Variants in SLC25A26 observed in about 807,000 individuals in gnomAD.
The protein encoded by SLC25A26 is mitochondrial S-adenosylmethionine carrier protein.
A neutral mutation model predicts 37.8 loss-of-function variants in SLC25A26; 36 were observed. That is an observed-to-expected ratio of 0.95 (90% CI 0.73 to 1.26). The LOEUF (loss-of-function observed/expected upper bound fraction) is 1.26, where lower values mean the gene tolerates loss of function less well. Among genes scored for constraint, SLC25A26 ranks in the 50% most tolerant of loss-of-function variants. The pLI is 0.00. For missense variants in SLC25A26, 390 were observed against 331.1 expected (o/e 1.18, Z -1.38); for synonymous variants, 129 against 122.5 (o/e 1.05, Z -0.35).
intron 2 of SLC25A26, among the ~76,000 whole-genome samples, chr3:66,237,804 G>C (rs149823865): frequency 0.042 from 6,373 of 152,250 alleles, 458 homozygotes; most frequent in African/African-American, 0.15. Context: ...CACAGCTCTA[G>C]AAGATTCTTA....
chr3:66,221,191 C>CG (rs2071474123), intron 1 of SLC25A26, 64 bp downstream of exon 1: 1 of 1,470,970 alleles, frequency 6.8e-7, no homozygotes, highest in Non-Finnish European at 9.0e-7. Context: ...AGCCCGCGGG[C>CG]GTTCTCTGCA....
intron 5 of SLC25A26, among the ~76,000 whole-genome samples, chr3:66,295,415 T>G (rs572187709): frequency 6.7e-6 from 1 of 150,168 alleles, no homozygotes; most frequent in Non-Finnish European, 1.5e-5. Context: ...GTTTTTTTTT[T>G]TTTTTTGAGA....
In SLC25A26 at chr3:66,377,683, C is replaced by T. The variant is rs751066008; in HGVS notation, c.708-7C>T. The stretch of plus-strand genomic sequence containing the variant: ...CACAACATTAAAAATCCTGTTTTTT[C>T]CCCTAGATTATTTGCAGGTGTCTTC... On this transcript the variant is annotated splice_polypyrimidine_tract_variant and splice_region_variant and intron_variant, in intron 9 of 9. Coordinates refer to ENST00000354883, the MANE Select transcript of SLC25A26 (RefSeq NM_001379210.1). 2.5e-4 allele frequency: 403 copies of T among 1,605,796 alleles called. No individual in the cohort carries two copies. The highest frequency in any genetic ancestry group is 3.1e-4 in the Non-Finnish European group (361 of 1,173,884).
chr3:66,163,067 C>G (rs528051371), intron 1 of SLC25A26, among the ~76,000 whole-genome samples: 44 of 152,316 alleles, frequency 2.9e-4, no homozygotes, highest in African/African-American at 1.0e-3. Context: ...TTCCAAGAAG[C>G]CCTGCAGTGC....
intron 6 of SLC25A26, among the ~76,000 whole-genome samples, chr3:66,352,931 G>T (rs332339): frequency 0.39 from 59,803 of 151,970 alleles, 13,570 homozygotes; most frequent in East Asian, 0.71. Context: ...ATTTATTTCC[G>T]TACTGGTATT....
chr3:66,292,246 T>A (rs1041147480), intron 5 of SLC25A26, among the ~76,000 whole-genome samples: 20 of 152,214 alleles, frequency 1.3e-4, no homozygotes, highest in Non-Finnish European at 2.8e-4. Flanking sequence ...GTCTTCACTC[T>A]TTATCCAGTG....
At chr3:66,293,838 G>T (rs6794857) in intron 5 of SLC25A26, among the ~76,000 whole-genome samples, 24,133 of 152,066 alleles carry the variant, frequency 0.16, 2,326 homozygotes, top group Non-Finnish European at 0.22. Flanking sequence ...GAATAGTGCT[G>T]CAGTGAACAT....
chr3:66,291,137 A>G (rs946524666), intron 5 of SLC25A26, among the ~76,000 whole-genome samples: 2 of 151,992 alleles, frequency 1.3e-5, no homozygotes, highest in African/African-American at 4.8e-5. Context: ...AGTAGTTTGT[A>G]TTTCTGTGGG....
rs924020333 is a variant in SLC25A26, at chr3:66,253,083, G to A, written c.301-8968G>A. 4.3e-5 allele frequency among the ~76,000 whole-genome samples: 6 copies of A among 139,916 alleles called. No homozygotes were observed. In the East Asian group the frequency reaches 8.4e-4, roughly 20 times the overall value. 91.8% of individuals were successfully genotyped at this position (139,916 alleles called of 152,430 possible). ...AATCTCTGAATGTGTTTCTTCACAC[G>A]GGAAAGAGATTTGGCAGATAATATT... On this transcript the variant is annotated intron_variant, in intron 3 of 9. Transcript: ENST00000354883.
chr3:66,337,993 G>A (rs1305242676), intron 5 of SLC25A26, among the ~76,000 whole-genome samples: 1 of 151,828 alleles, frequency 6.6e-6, no homozygotes, highest in African/African-American at 2.4e-5. Flanking sequence ...ATATCCTTAT[G>A]ATATTGAATA....
At chr3:66,302,624 G>C (rs1407753329) in intron 5 of SLC25A26, among the ~76,000 whole-genome samples, 6 of 152,178 alleles carry the variant, frequency 3.9e-5, no homozygotes, top group African/African-American at 1.4e-4. Context: ...TAGGTCACCA[G>C]ATTTTGATTC....
intron 1 of SLC25A26, among the ~76,000 whole-genome samples, chr3:66,229,170 G>A (rs2071893920): frequency 6.6e-6 from 1 of 152,148 alleles, no homozygotes; most frequent in African/African-American, 2.4e-5. Context: ...ATTGATAATT[G>A]ATTAAGGCCT....
intron 2 of SLC25A26, among the ~76,000 whole-genome samples, chr3:66,242,977 G>T (rs919064177): frequency 1.3e-5 from 2 of 152,078 alleles, no homozygotes; most frequent in Non-Finnish European, 1.5e-5. Flanking sequence ...GCTCCTTCAG[G>T]GTAGGTGTTA....
intron 1 of SLC25A26, among the ~76,000 whole-genome samples, chr3:66,226,260 C>T (rs1374716780): frequency 6.6e-6 from 1 of 152,168 alleles, no homozygotes; most frequent in Admixed American, 6.6e-5. Context: ...TCTTACATGG[C>T]TGCAGATGAG....
At chr3:66,243,144 C>G in intron 2 of SLC25A26, 59 bp from the exon 3 acceptor site, 2 of 791,042 alleles carry the variant, frequency 2.5e-6, no homozygotes, top group South Asian at 1.6e-5. Flanking sequence ...AAACATGTTT[C>G]TTAACAGTGT....
chr3:66,299,680 G>A (rs183918744), intron 5 of SLC25A26, among the ~76,000 whole-genome samples: 2 of 152,268 alleles, frequency 1.3e-5, no homozygotes, highest in Non-Finnish European at 2.9e-5. Flanking sequence ...TGTGTTTATA[G>A]AGTAACAGTT....
At chr3:66,253,395 C>T (rs2073172266) in intron 3 of SLC25A26, among the ~76,000 whole-genome samples, 1 of 149,002 alleles carries the variant, frequency 6.7e-6, no homozygotes, top group Admixed American at 6.7e-5. Context: ...GAGTGAGACT[C>T]CATCTCAAAA....
At chr3:66,145,868 A>G (rs1472699888) in intron 1 of SLC25A26, among the ~76,000 whole-genome samples, 1 of 151,008 alleles carries the variant, frequency 6.6e-6, no homozygotes, top group East Asian at 1.9e-4. Context: ...CTTTAAAAGT[A>G]ATTATTTTGT....
chr3:66,233,142 G>A (rs556796220), intron 1 of SLC25A26, among the ~76,000 whole-genome samples: 2 of 152,358 alleles, frequency 1.3e-5, no homozygotes, highest in South Asian at 4.1e-4. Context: ...CTAGAGGGGA[G>A]CAGCAATGCT....
Sources: gnomAD v4.1 joint callset for allele counts (sites outside exome capture counted in the v4.1 genomes callset) on GRCh38, gnomAD v4.1.1 for gene constraint, MANE v1.5 for transcripts, NCBI Gene and HGNC (gene_info 2026-07-23, HGNC 2026-07-21) for gene names.